RCAN1: variants seen among roughly 807,000 people sequenced by gnomAD.
The protein encoded by RCAN1 is calcipressin-1.
In RCAN1, 11 loss-of-function variants were observed where a neutral mutation model predicts 22.9. The observed-to-expected ratio is 0.48, with a 90% CI of 0.30 to 0.79. The LOEUF is 0.79. RCAN1 is among the 30% of genes least tolerant of loss of function. The pLI is 0.06. For synonymous variants in RCAN1, 136 were observed against 142.3 expected, an observed-to-expected ratio of 0.96 and a Z score of 0.32; for missense variants, 291 against 337.8, an observed-to-expected ratio of 0.86 and a Z score of 1.09.
chr21:34,522,022 G>A (rs915368787), intron 2 of RCAN1: 14 of 190,184 alleles, frequency 7.4e-5, no homozygotes, highest in African/African-American at 1.2e-4. Context: ...GTCTCTCCCC[G>A]CTCCTCATAC....
intron 1 of RCAN1, chr21:34,559,260 C>A (rs1318908113): frequency 6.6e-6 from 1 of 152,224 alleles, no homozygotes; most frequent in Admixed American, 6.5e-5. Context: ...TTAATACAAT[C>A]TGTGACTGAT....
In RCAN1 at chr21:34,614,667, C is replaced by G. The variant is rs147573577; in HGVS notation, c.252+93G>C. ...GACGTCGCTGCCTCCCCGCCCCGCGCGCGGCCGGGACTGGGCGCTGCGACC... is the reference window on the plus strand; with the variant it reads ...GACGTCGCTGCCTCCCCGCCCCGCGGGCGGCCGGGACTGGGCGCTGCGACC... On this transcript the variant is annotated intron_variant, in intron 1 of 3. Transcript: ENST00000313806. The surrounding 1 kb of genome is among the most constrained non-coding windows in gnomAD (Gnocchi z 6.0). 2,034 of 1,178,534 alleles carry G rather than the reference C, an allele frequency of 1.7e-3. 16 individuals are homozygous for G. In the East Asian group the frequency reaches 0.023, roughly 13 times the overall value. The allele number at this position is 1,178,534 out of a possible 1,614,324, so 73.0% of individuals were successfully genotyped here.
chr21:34,521,756 T>C (rs1984576786), intron 2 of RCAN1, 98 bp from the exon 3 acceptor site: 6 of 996,200 alleles, frequency 6.0e-6, no homozygotes, highest in Admixed American at 4.9e-5. Flanking sequence ...GGCAGGTCAA[T>C]GTCCAGGCGT....
chr21:34,583,524 G>A (rs916621123), intron 1 of RCAN1, among the ~76,000 whole-genome samples: 3 of 152,126 alleles, frequency 2.0e-5, no homozygotes, highest in African/African-American at 7.2e-5. Context: ...TGTAAGAGGA[G>A]AGAATGTGGA....
chr21:34,581,451 G>A (rs1987606064), intron 1 of RCAN1, among the ~76,000 whole-genome samples: 1 of 152,164 alleles, frequency 6.6e-6, no homozygotes, highest in Non-Finnish European at 1.5e-5. Context: ...TTCAGTCTGA[G>A]GAAGTATTAT....
intron 3 of RCAN1, among the ~76,000 whole-genome samples, chr21:34,519,031 A>T (rs1414300829): frequency 6.6e-6 from 1 of 152,150 alleles, no homozygotes; most frequent in Non-Finnish European, 1.5e-5. Flanking sequence ...GGCAGCTCTG[A>T]GCCTGGCTCC....
At chr21:34,523,340 T>C (rs1456455621) in intron 2 of RCAN1, among the ~76,000 whole-genome samples, 197 bp downstream of exon 2, 1 of 152,232 alleles carries the variant, frequency 6.6e-6, no homozygotes, top group East Asian at 1.9e-4. Context: ...GGGCAATGTC[T>C]GAGGTTGCTT....
chr21:34,614,976 G>T lies in RCAN1; in HGVS notation c.36C>A (p.Ala12=), dbSNP rs1988782418. 1 of 1,130,510 alleles carries T rather than the reference G, an allele frequency of 8.8e-7. No homozygotes were observed. The highest frequency in any genetic ancestry group is 1.1e-6 in the Non-Finnish European group (1 of 928,780). The allele number at this position is 1,130,510 out of a possible 1,614,324, so 70.0% of individuals were successfully genotyped here. The change falls in exon 1 of 4, where the codon GCC becomes GCA. Residue 12 remains alanine (A), a synonymous_variant. Transcript: ENST00000313806. This position sits in a 1 kb window ranked among gnomAD's most constrained non-coding sequence, Gnocchi z 6.0. Reference sequence around the variant, plus strand: ...CGGCCGCCTCCGCCGCCTCCGCCGCGGCCCCGAGCTGGGGACCGGCCACGC... The same window carrying T: ...CGGCCGCCTCCGCCGCCTCCGCCGCTGCCCCGAGCTGGGGACCGGCCACGC... ...EDGVAGPQLG[A]AAEAAEAAEA... is the part of the protein sequence containing the mutation.
chr21:34,564,236 C>T (rs1986922107), intron 1 of RCAN1, among the ~76,000 whole-genome samples: 1 of 152,182 alleles, frequency 6.6e-6, no homozygotes, highest in Non-Finnish European at 1.5e-5. Context: ...GGTCCCCACC[C>T]TTGACATGTG....
At chr21:34,579,220 C>T (rs569748274) in intron 1 of RCAN1, among the ~76,000 whole-genome samples, 1 of 152,132 alleles carries the variant, frequency 6.6e-6, no homozygotes, top group African/African-American at 2.4e-5. Flanking sequence ...CATGGCAAAA[C>T]CTAGTTTCTA....
intron 3 of RCAN1, chr21:34,521,211 C>T: frequency 1.4e-6 from 2 of 1,404,652 alleles, no homozygotes; most frequent in Non-Finnish European, 1.8e-6. Flanking sequence ...CCCACGCAGG[C>T]TGTGCTCAGT....
intron 1 of RCAN1, among the ~76,000 whole-genome samples, chr21:34,543,136 T>G (rs941488384): frequency 6.6e-6 from 1 of 152,232 alleles, no homozygotes; most frequent in Non-Finnish European, 1.5e-5. Flanking sequence ...ATGATCCACA[T>G]AGGTGTGGGC....
intron 1 of RCAN1, among the ~76,000 whole-genome samples, chr21:34,543,713 T>C (rs1393688786): frequency 6.6e-6 from 1 of 152,222 alleles, no homozygotes; most frequent in Non-Finnish European, 1.5e-5. Flanking sequence ...TATTTCTTCT[T>C]CTCCTGACTT....
chr21:34,541,000 C>T (rs542251749), intron 1 of RCAN1, among the ~76,000 whole-genome samples: 5 of 152,110 alleles, frequency 3.3e-5, no homozygotes, highest in African/African-American at 1.2e-4. Context: ...GAAAAAAAAG[C>T]TCACAGTGAA....
chr21:34,596,761 T>C (rs1042337641), intron 1 of RCAN1, among the ~76,000 whole-genome samples: 1 of 152,178 alleles, frequency 6.6e-6, no homozygotes, highest in Non-Finnish European at 1.5e-5. Context: ...CCGAGGACTT[T>C]GCCTCCCTGC....
intron 1 of RCAN1, among the ~76,000 whole-genome samples, chr21:34,555,973 G>A (rs796257052): frequency 1.3e-5 from 2 of 151,896 alleles, no homozygotes; most frequent in South Asian, 2.1e-4. Context: ...TGAGGCAGGA[G>A]AATGGTGTGA....
At chr21:34,549,634 G>A (rs984426127) in intron 1 of RCAN1, among the ~76,000 whole-genome samples, 4 of 152,164 alleles carry the variant, frequency 2.6e-5, no homozygotes, top group African/African-American at 9.7e-5. Flanking sequence ...AGCAAAACAA[G>A]GTTTAACTCT....
At chr21:34,582,649 C>G (rs1426520789) in intron 1 of RCAN1, among the ~76,000 whole-genome samples, 2 of 152,138 alleles carry the variant, frequency 1.3e-5, no homozygotes, top group African/African-American at 4.8e-5. Flanking sequence ...CATGCCCAGG[C>G]AAGCATCTGG....
At chr21:34,531,548 A>G (rs775672959) in intron 1 of RCAN1, among the ~76,000 whole-genome samples, 9 of 152,136 alleles carry the variant, frequency 5.9e-5, no homozygotes, top group Non-Finnish European at 8.8e-5. Flanking sequence ...TTACCACTCC[A>G]ACATAATGTG....
Sources: gnomAD v4.1 joint callset for allele counts (sites outside exome capture counted in the v4.1 genomes callset) on GRCh38, gnomAD v4.1.1 for gene constraint, Gnocchi (gnomAD v3.1) non-coding constraint, MANE v1.5 for transcripts, NCBI Gene and HGNC (gene_info 2026-07-23, HGNC 2026-07-21) for gene names.